WDR72: variants seen among roughly 807,000 people sequenced by gnomAD.
The protein encoded by WDR72 is WD repeat domain 72.
In WDR72, 120 loss-of-function variants were observed where a neutral mutation model predicts 124.2. The observed-to-expected ratio is 0.97, with a 90% CI of 0.83 to 1.12. The LOEUF (loss-of-function observed/expected upper bound fraction) is 1.12. Among genes scored for constraint, WDR72 ranks in the 50% most tolerant of loss-of-function variants. The pLI is 0.00. For synonymous variants in WDR72, 452 were observed against 441.7 expected (o/e 1.02, Z -0.29); for missense variants, 1,387 against 1,278.8 (o/e 1.08, Z -1.29).
At chr15:53,671,679 G>A (rs993331719) in intron 13 of WDR72, among the ~76,000 whole-genome samples, 4 of 152,180 alleles carry the variant, frequency 2.6e-5, no homozygotes, top group Non-Finnish European at 5.9e-5. Flanking sequence ...CCAACACTGC[G>A]AAAAGTGCCA....
intron 18 of WDR72, among the ~76,000 whole-genome samples, chr15:53,532,524 G>C (rs1308689143): frequency 6.6e-6 from 1 of 152,082 alleles, no homozygotes; most frequent in Non-Finnish European, 1.5e-5. Flanking sequence ...ATTATGTTAA[G>C]TGAAATAAGT....
chr15:53,699,718 T>A, intron 13 of WDR72, 32 bp downstream of exon 13: 1 of 1,606,350 alleles, frequency 6.2e-7, no homozygotes, highest in Non-Finnish European at 8.5e-7. Context: ...CATAAATATA[T>A]AAAGAATGAA....
Position 53,551,378 on chromosome 15 carries a change from G to A in WDR72, c.3149-28056C>T, listed in dbSNP as rs184131514. 2.6e-4 allele frequency among the ~76,000 whole-genome samples: 40 copies of A among 152,216 alleles called. No homozygotes were observed. In the East Asian group the frequency reaches 6.0e-3, roughly 23 times the overall value. ...GTTTAGATTTACATATGTAAAGATC[G>A]TACTGACTGCTGTAAGAAATATGTC... On this transcript the variant is annotated intron_variant, in intron 18 of 19. Coordinates refer to ENST00000360509, the MANE Select transcript of WDR72 (RefSeq NM_182758.4).
At position 53,664,926 on chromosome 15, in the gene WDR72, C is replaced by T. The variant is rs143427643; in HGVS notation, c.1962+646G>A. On this transcript the variant is annotated intron_variant, in intron 14 of 19. Transcript: ENST00000360509. Reference sequence around the variant, plus strand: ...GTACATATAAACGGCATAGTTACAACAGTATGTTGAGGGGATAATTTGGAG... The same window carrying T: ...GTACATATAAACGGCATAGTTACAATAGTATGTTGAGGGGATAATTTGGAG... Among the ~76,000 whole-genome samples, 473 of 152,168 alleles carry T rather than the reference C, an allele frequency of 3.1e-3. 3 individuals are homozygous for T. Among genetic ancestry groups the T allele is most frequent in the African/African-American group, 0.011 (454 of 41,534 alleles).
chr15:53,752,998 G>A (rs901303823), intron 1 of WDR72, among the ~76,000 whole-genome samples: 5 of 152,134 alleles, frequency 3.3e-5, no homozygotes, highest in African/African-American at 1.2e-4. Flanking sequence ...CAAATCCTAA[G>A]TATGTAAAGA....
At chr15:53,539,073 C>G (rs1449054057) in intron 18 of WDR72, among the ~76,000 whole-genome samples, 1 of 151,642 alleles carries the variant, frequency 6.6e-6, no homozygotes. Flanking sequence ...AACACTTTAC[C>G]CCAGAAAATA....
intron 14 of WDR72, among the ~76,000 whole-genome samples, chr15:53,648,573 C>A (rs1326574030): frequency 6.6e-6 from 1 of 152,022 alleles, no homozygotes. Flanking sequence ...GACCAAAGGA[C>A]AAATTTTTTT....
intron 14 of WDR72, among the ~76,000 whole-genome samples, chr15:53,623,690 GTTCT>G (rs2014095560): frequency 6.6e-6 from 1 of 152,068 alleles, no homozygotes; most frequent in African/African-American, 2.4e-5. Flanking sequence ...TCAAATGGTA[GTTCT>G]TTTTTAAATT....
intron 2 of WDR72, among the ~76,000 whole-genome samples, chr15:53,729,924 T>A (rs2018152423): frequency 6.6e-6 from 1 of 152,056 alleles, no homozygotes; most frequent in Non-Finnish European, 1.5e-5. Flanking sequence ...TACAATAGAA[T>A]TAACACTCCA....
At chr15:53,643,409 T>A (rs1377133216) in intron 14 of WDR72, among the ~76,000 whole-genome samples, 1 of 152,024 alleles carries the variant, frequency 6.6e-6, no homozygotes, top group Non-Finnish European at 1.5e-5. Flanking sequence ...CTATGAGGAT[T>A]TTTTTTTCTG....
chr15:53,517,721 A>C lies in WDR72; in HGVS notation c.3287T>G (p.Val1096Gly). The C allele has an allele frequency of 6.2e-7, 1 of 1,612,986 alleles. No individual in the cohort carries two copies. Among genetic ancestry groups the C allele is most frequent in the Non-Finnish European group, 8.5e-7 (1 of 1,179,210 alleles). ...EPRHHSWIAK[V>G]CPCKVS ...CATTTAAGACACCTTGCAGGGGCAG[A>C]CCTTTGCTATCCATGAATGATGCCT... is the stretch of plus-strand genomic sequence containing the variant. Residue 1096 changes from valine to glycine, a missense_variant, in exon 20 of 20, where the codon GTC becomes GGC. By Grantham distance (109) the Val-to-Gly change is moderately radical. Coordinates refer to ENST00000360509, the MANE Select transcript of WDR72 (RefSeq NM_182758.4).
chr15:53,651,748 G>C (rs894090322), intron 14 of WDR72, among the ~76,000 whole-genome samples: 23 of 152,264 alleles, frequency 1.5e-4, no homozygotes, highest in African/African-American at 5.5e-4. Context: ...TGCCTCCCAG[G>C]TTCAAGCAAT....
chr15:53,623,919 C>A (rs2014107245), intron 14 of WDR72, among the ~76,000 whole-genome samples: 1 of 152,188 alleles, frequency 6.6e-6, no homozygotes, highest in Non-Finnish European at 1.5e-5. Flanking sequence ...TTTAGAGTTG[C>A]ATTTCTATGA....
chr15:53,662,902 T>C (rs1026520470), intron 14 of WDR72, among the ~76,000 whole-genome samples: 3 of 151,796 alleles, frequency 2.0e-5, no homozygotes, highest in Non-Finnish European at 4.4e-5. Flanking sequence ...TTGCCTGTAA[T>C]AGAAAAACTT....
At chr15:53,585,755 T>C (rs2012171637) in intron 18 of WDR72, among the ~76,000 whole-genome samples, 1 of 151,976 alleles carries the variant, frequency 6.6e-6, no homozygotes, top group African/African-American at 2.4e-5. Context: ...ATCACCATCA[T>C]GCTCAGCCAT....
intron 14 of WDR72, among the ~76,000 whole-genome samples, chr15:53,657,105 A>C (rs2015449433): frequency 1.3e-5 from 2 of 151,962 alleles, no homozygotes; most frequent in Non-Finnish European, 2.9e-5. Context: ...TCTACTAAAA[A>C]TACAAAAAAT....
intron 13 of WDR72, among the ~76,000 whole-genome samples, chr15:53,686,208 C>A (rs1278847622): frequency 6.7e-6 from 1 of 149,844 alleles, no homozygotes; most frequent in East Asian, 2.0e-4. Context: ...TCACACATAA[C>A]AATATTAACT....
chr15:53,737,889 T>G (rs2018402431), intron 1 of WDR72, among the ~76,000 whole-genome samples: 1 of 152,158 alleles, frequency 6.6e-6, no homozygotes, highest in South Asian at 2.1e-4. Flanking sequence ...TTTATAAAAC[T>G]GTGACCCTCC....
intron 1 of WDR72, among the ~76,000 whole-genome samples, chr15:53,753,589 T>C (rs891485684): frequency 5.3e-5 from 8 of 152,210 alleles, no homozygotes; most frequent in African/African-American, 1.2e-4. Context: ...TTTTCTGTCA[T>C]GAGCCAAGAT....
Sources: allele counts gnomAD v4.1 joint callset (sites outside exome capture counted in the v4.1 genomes callset), GRCh38; gene constraint gnomAD v4.1.1; transcripts MANE v1.5; gene names NCBI Gene and HGNC (gene_info 2026-07-23, HGNC 2026-07-21).